The following DLC1 variants were observed in gnomAD, a reference collection of about 807,000 sequenced individuals.
DLC1 encodes rho GTPase-activating protein 7.
Under a neutral mutation model 140.3 loss-of-function variants are expected in DLC1, and 54 were observed. That is an observed-to-expected ratio of 0.38 (90% CI 0.31 to 0.48). DLC1 has a LOEUF of 0.48. DLC1 is among the 20% of genes least tolerant of loss of function. DLC1 has a pLI of 0.96. For synonymous variants in DLC1, 986 were observed against 728.1 expected, an observed-to-expected ratio of 1.35 and a Z score of -5.70; for missense variants, 2,536 against 1,907.0, an observed-to-expected ratio of 1.33 and a Z score of -6.14.
chr8:13,150,026 T>C (rs1823695156), intron 5 of DLC1, among the ~76,000 whole-genome samples: 1 of 152,230 alleles, frequency 6.6e-6, no homozygotes, highest in Non-Finnish European at 1.5e-5. Flanking sequence ...CAGCCATTTG[T>C]CTCTGAAGGG....
chr8:13,505,097 T>A (rs1801995898), intron 1 of DLC1, among the ~76,000 whole-genome samples: 1 of 152,170 alleles, frequency 6.6e-6, no homozygotes, highest in South Asian at 2.1e-4. Flanking sequence ...GGGATATCAA[T>A]TATCAACCAC....
chr8:13,191,920 T>C (rs1585879490), intron 5 of DLC1, among the ~76,000 whole-genome samples: 2 of 137,936 alleles, frequency 1.4e-5, no homozygotes, highest in South Asian at 5.0e-4. Context: ...TTAAGGGGAG[T>C]GGCCTGATTA....
rs3066494 is a variant in DLC1, at chr8:13,586,589, GCACACACACA to G, written c.-126+17938_-126+17947del. On this transcript the variant is annotated intron_variant, in intron 1 of 1. Coordinates refer to the DLC1 transcript ENST00000631382. ...TTTAGAGAATAATGCAGATGCACATGCACACACACACACACACACACACACACACACACAC... is the reference window on the plus strand; with the variant it reads ...TTTAGAGAATAATGCAGATGCACATGCACACACACACACACACACACACAC... Among the ~76,000 whole-genome samples, 95 of 143,048 alleles carry G rather than the reference GCACACACACA, an allele frequency of 6.6e-4. 2 individuals are homozygous for G. The East Asian group carries it at 7.1e-3, about 11-fold the overall frequency. The allele number at this position is 143,048 out of a possible 152,430, so 93.8% of individuals were successfully genotyped here. A position where few individuals can be genotyped will look rare whatever the true frequency, so the allele number is the denominator to read the frequency against.
At chr8:13,210,212 A>T (rs1349004424) in intron 5 of DLC1, among the ~76,000 whole-genome samples, 1 of 152,228 alleles carries the variant, frequency 6.6e-6, no homozygotes, top group Non-Finnish European at 1.5e-5. Flanking sequence ...CTAACAAAAC[A>T]CAGCATAGTC....
At chr8:13,110,999 A>G (rs1820060609) in intron 6 of DLC1, among the ~76,000 whole-genome samples, 176 bp from the exon 7 acceptor site, 1 of 152,214 alleles carries the variant, frequency 6.6e-6, no homozygotes, top group African/African-American at 2.4e-5. Context: ...CCAATCGGGC[A>G]TCACTGTCCT....
chr8:13,385,291 G>A (rs1412828963), intron 4 of DLC1, among the ~76,000 whole-genome samples: 1 of 152,104 alleles, frequency 6.6e-6, no homozygotes, highest in Non-Finnish European at 1.5e-5. Flanking sequence ...CACAGATAAA[G>A]CAATCTACAG....
intron 1 of DLC1, among the ~76,000 whole-genome samples, chr8:13,545,260 G>A (rs1160339290): frequency 1.3e-5 from 2 of 151,200 alleles, no homozygotes; most frequent in Non-Finnish European, 2.9e-5. Flanking sequence ...ATATTTTATG[G>A]AAAGGTAATA....
chr8:13,243,068 T>C (rs906964069), intron 5 of DLC1, among the ~76,000 whole-genome samples: 129 of 151,996 alleles, frequency 8.5e-4, no homozygotes, highest in African/African-American at 3.0e-3. Flanking sequence ...GGTGGGCAGA[T>C]CGCTTGAGGT....
chr8:13,299,275 T>C (rs1832087368), intron 5 of DLC1, among the ~76,000 whole-genome samples: 2 of 151,618 alleles, frequency 1.3e-5, no homozygotes, highest in African/African-American at 4.8e-5. Flanking sequence ...AAACCCCATC[T>C]CTACTAAAAA....
chr8:13,347,428 A>C (rs1440910848), intron 4 of DLC1, among the ~76,000 whole-genome samples: 2 of 152,176 alleles, frequency 1.3e-5, no homozygotes, highest in Non-Finnish European at 2.9e-5. Flanking sequence ...CGGGAGCAGC[A>C]GGGCTGGACA....
At chr8:13,416,522 A>G (rs1405089816) in intron 2 of DLC1, among the ~76,000 whole-genome samples, 3 of 152,186 alleles carry the variant, frequency 2.0e-5, no homozygotes, top group African/African-American at 7.2e-5. Flanking sequence ...TATGAACTTA[A>G]GGAGGGAAGT....
At chr8:13,182,288 G>A (rs764741241) in intron 5 of DLC1, among the ~76,000 whole-genome samples, 10 of 151,914 alleles carry the variant, frequency 6.6e-5, no homozygotes, top group Admixed American at 1.3e-4. Flanking sequence ...CACTCTGATT[G>A]TAGTTTCTTT....
chr8:13,462,552 C>T (rs1044398484), intron 2 of DLC1, among the ~76,000 whole-genome samples: 22 of 144,408 alleles, frequency 1.5e-4, no homozygotes, highest in African/African-American at 4.4e-4. Context: ...TACAGGTGTC[C>T]GCCACCACGC....
intron 2 of DLC1, among the ~76,000 whole-genome samples, chr8:13,462,876 C>T (rs542182594): frequency 4.6e-5 from 7 of 152,226 alleles, no homozygotes; most frequent in East Asian, 1.9e-4. Flanking sequence ...GAACGTTGAA[C>T]GCATAGTGTA....
At chr8:13,394,935 T>A (rs2017714) in intron 3 of DLC1, among the ~76,000 whole-genome samples, 58,105 of 151,660 alleles carry the variant, frequency 0.38, 12,050 homozygotes, top group Non-Finnish European at 0.46. Context: ...CCAAAGAACT[T>A]CACTCCCTTC....
intron 2 of DLC1, among the ~76,000 whole-genome samples, chr8:13,430,387 A>T (rs1357087514): frequency 6.6e-6 from 1 of 152,194 alleles, no homozygotes; most frequent in African/African-American, 2.4e-5. Flanking sequence ...TGTGATCATT[A>T]TTTCCAATGC....
At chr8:13,259,653 T>C (rs1033766444) in intron 5 of DLC1, among the ~76,000 whole-genome samples, 35 of 152,210 alleles carry the variant, frequency 2.3e-4, no homozygotes, top group Non-Finnish European at 1.5e-5. Flanking sequence ...TTGGTTCTTC[T>C]GAGAAATGTA....
intron 5 of DLC1, among the ~76,000 whole-genome samples, chr8:13,123,507 ATTTTTTT>A (rs372704702): frequency 1.6e-4 from 22 of 139,982 alleles, no homozygotes; most frequent in Non-Finnish European, 2.9e-4. Flanking sequence ...CAATGAGCTA[ATTTTTTT>A]TTTTTTTTTT....
At chr8:13,268,102 T>G (rs1338757275) in intron 5 of DLC1, among the ~76,000 whole-genome samples, 2 of 152,166 alleles carry the variant, frequency 1.3e-5, no homozygotes, top group Non-Finnish European at 2.9e-5. Flanking sequence ...ACTTCCAATT[T>G]TAGTTCATTC....
Sources: gnomAD v4.1 joint callset for allele counts (sites outside exome capture counted in the v4.1 genomes callset) on GRCh38, gnomAD v4.1.1 for gene constraint, MANE v1.5 for transcripts, NCBI Gene and HGNC (gene_info 2026-07-23, HGNC 2026-07-21) for gene names.